The following RBFOX3 variants were observed in gnomAD, a reference collection of about 807,000 sequenced individuals.
RBFOX3 encodes RNA binding protein fox-1 homolog 3.
Under a neutral mutation model 48.7 loss-of-function variants are expected in RBFOX3, and 17 were observed. That is an observed-to-expected ratio of 0.35 (90% CI 0.24 to 0.52). RBFOX3 has a LOEUF of 0.52. RBFOX3 is among the 20% of genes least tolerant of loss of function. The probability of loss-of-function intolerance (pLI) is 0.94; values close to 1 mark genes in which losing one functional copy is unlikely to be tolerated. For missense variants in RBFOX3, 382 were observed against 497.5 expected, an observed-to-expected ratio of 0.77 and a Z score of 2.21; for synonymous variants, 212 against 209.5, an observed-to-expected ratio of 1.01 and a Z score of -0.10.
the RBFOX3 span, among the ~76,000 whole-genome samples, chr17:79,632,434 CTAAA>C: frequency 6.6e-6 from 1 of 152,054 alleles, no homozygotes; most frequent in African/African-American, 2.4e-5. Context: ...GTTGGTGCCT[CTAAA>C]GTGATGGAAA....
chr17:79,312,149 C>T (rs1173691097), intron 2 of RBFOX3, among the ~76,000 whole-genome samples: 5 of 152,020 alleles, frequency 3.3e-5, no homozygotes, highest in Admixed American at 1.3e-4. Context: ...GTGTGCACAA[C>T]GAGGTGGGGC....
intron 4 of RBFOX3, among the ~76,000 whole-genome samples, chr17:79,219,954 C>CGTCTGCAT (rs2059519396): frequency 6.7e-6 from 1 of 150,240 alleles, no homozygotes; most frequent in South Asian, 2.1e-4. Flanking sequence ...CCAGCCCCAC[C>CGTCTGCAT]GTCTGCATCC....
chr17:79,418,981 G>A lies in RBFOX3; in HGVS notation c.-175+63473C>T, dbSNP rs1161514701. Among the ~76,000 whole-genome samples, 1 of 152,114 alleles carries A rather than the reference G, an allele frequency of 6.6e-6. No individual in the cohort carries two copies. The highest frequency in any genetic ancestry group is 1.5e-5 in the Non-Finnish European group (1 of 68,030). On this transcript the variant is annotated intron_variant, in intron 2 of 14. Transcript: ENST00000693108. This position sits in a 1 kb window ranked among gnomAD's most constrained non-coding sequence, Gnocchi z 5.0. ...ATTTTACAAGCCCTCAGTTAAATGT[G>A]GATAATTACGTCTGCTGGTGTCAAG...
chr17:79,090,870 A>AC lies in RBFOX3; in HGVS notation c.*12dup. ...TTGCCCTTCATGGTCCGAGAAGGAA[A>AC]CGGTGGAAGGTTTCACTACAACAGA... is the stretch of plus-strand genomic sequence containing the variant. On this transcript the variant is annotated 3_prime_UTR_variant, in exon 15 of 15. Transcript: ENST00000693108. 3 of 1,521,478 alleles carry AC rather than the reference A, an allele frequency of 2.0e-6. No individual in the cohort carries two copies. The highest frequency in any genetic ancestry group is 2.6e-6 in the Non-Finnish European group (3 of 1,135,418). 94.2% of individuals were successfully genotyped at this position (1,521,478 alleles called of 1,614,324 possible).
Position 79,409,774 on chromosome 17 carries a change from G to C in RBFOX3, c.-175+72680C>G, listed in dbSNP as rs1195627741. ...CAGGTCCCTGGAGACCAGTGCCATG[G>C]GGTCAGGCTGGGGGATGGGCACTGG... On this transcript the variant is annotated intron_variant, in intron 2 of 14. Transcript: ENST00000693108. 6.6e-5 allele frequency among the ~76,000 whole-genome samples: 10 copies of C among 152,342 alleles called. No homozygotes were observed. The East Asian group carries it at 1.9e-3, about 29-fold the overall frequency.
intron 1 of RBFOX3, among the ~76,000 whole-genome samples, chr17:79,553,160 T>C (rs1383938100): frequency 2.0e-5 from 3 of 152,246 alleles, no homozygotes; most frequent in African/African-American, 7.2e-5. Flanking sequence ...TATCAATTTA[T>C]GTTTTGCTGA....
chr17:79,249,351 C>T lies in RBFOX3; in HGVS notation c.-73-13546G>A, dbSNP rs981124627. Among the ~76,000 whole-genome samples, 2 of 152,154 alleles carry T rather than the reference C, an allele frequency of 1.3e-5. No homozygotes were observed. Among genetic ancestry groups the T allele is most frequent in the Admixed American group, 6.5e-5 (1 of 15,282 alleles). Reference sequence around the variant, plus strand: ...TCTGTTCCCTGTGTCTCGGCCCGCTCGGCTCCAATGCTGCTGCAGTCACCG... The same window carrying T: ...TCTGTTCCCTGTGTCTCGGCCCGCTTGGCTCCAATGCTGCTGCAGTCACCG... On this transcript the variant is annotated intron_variant, in intron 3 of 14. Coordinates refer to ENST00000693108, the MANE Select transcript of RBFOX3 (RefSeq NM_001350451.2). The surrounding 1 kb of genome is among the most constrained non-coding windows in gnomAD (Gnocchi z 4.1).
At chr17:79,203,362 C>T (rs1285521832) in intron 4 of RBFOX3, among the ~76,000 whole-genome samples, 138 of 22,214 alleles carry the variant, frequency 6.2e-3, no homozygotes, top group Middle Eastern at 0.038. Flanking sequence ...GGGTGGAGGG[C>T]GAAGGGGCGT....
chr17:79,318,048 T>C (rs1376648026), intron 2 of RBFOX3, among the ~76,000 whole-genome samples: 1 of 152,200 alleles, frequency 6.6e-6, no homozygotes, highest in African/African-American at 2.4e-5. Flanking sequence ...CTCCAGCCCC[T>C]TGTTACTCAG....
rs527274670 is a variant in RBFOX3 at position 79,397,633 on chromosome 17, T to C, written c.-175+84821A>G. 6.3e-4 allele frequency among the ~76,000 whole-genome samples: 95 copies of C among 149,868 alleles called. No individual in the cohort carries two copies. The South Asian group carries it at 0.02, about 31-fold the overall frequency. On this transcript the variant is annotated intron_variant, in intron 2 of 14. Transcript: ENST00000693108. ...GGCCAGGTGAGCTGGCCATAGTGTCTGATTTAGAGCAGCCCAGCTCACACC... is the reference window on the plus strand; with the variant it reads ...GGCCAGGTGAGCTGGCCATAGTGTCCGATTTAGAGCAGCCCAGCTCACACC...
intron 4 of RBFOX3, among the ~76,000 whole-genome samples, chr17:79,203,958 G>T (rs1251997533): frequency 6.6e-6 from 1 of 152,128 alleles, no homozygotes; most frequent in African/African-American, 2.4e-5. Context: ...GAGAACGTTT[G>T]TGTGGATGAG....
intron 3 of RBFOX3, among the ~76,000 whole-genome samples, chr17:79,303,772 G>A (rs924173218): frequency 1.3e-5 from 2 of 152,080 alleles, no homozygotes; most frequent in Non-Finnish European, 2.9e-5. Context: ...CCACACACTA[G>A]GTGCACGTAC....
chr17:79,609,167 G>C (rs2093910909), intron 1 of RBFOX3, among the ~76,000 whole-genome samples: 1 of 152,228 alleles, frequency 6.6e-6, no homozygotes, highest in Non-Finnish European at 1.5e-5. Context: ...TTAATGAGCA[G>C]GTTCTGCCGC....
chr17:79,336,418 AAAAT>A (rs889958700), intron 2 of RBFOX3, among the ~76,000 whole-genome samples: 48 of 73,572 alleles, frequency 6.5e-4, no homozygotes, highest in African/African-American at 2.2e-3. Flanking sequence ...ATAAATAAAT[AAAAT>A]AAATTGAAAA....
At chr17:79,310,001 C>A (rs987788543) in intron 2 of RBFOX3, among the ~76,000 whole-genome samples, 4 of 152,178 alleles carry the variant, frequency 2.6e-5, no homozygotes, top group Non-Finnish European at 4.4e-5. Context: ...GTGCACAACG[C>A]CCTAAAACGG....
chr17:79,476,951 G>C (rs1206977837), intron 2 of RBFOX3, among the ~76,000 whole-genome samples: 2 of 152,080 alleles, frequency 1.3e-5, no homozygotes, highest in Admixed American at 6.5e-5. Context: ...AGAAGAAAAG[G>C]AGGAGGAGGA....
chr17:79,295,561 T>G (rs904667484), intron 3 of RBFOX3, among the ~76,000 whole-genome samples: 1 of 152,220 alleles, frequency 6.6e-6, no homozygotes, highest in Non-Finnish European at 1.5e-5. Flanking sequence ...ACTCAGGGTC[T>G]GAGTGCGGGC....
chr17:79,409,310 G>A lies in RBFOX3; in HGVS notation c.-175+73144C>T, dbSNP rs576114734. ...TTGCAAACGGTGCTCCTACAAACGT[G>A]TGCACACATGGATTTCTTTGAGCCC... On this transcript the variant is annotated intron_variant, in intron 2 of 14. Coordinates refer to ENST00000693108, the MANE Select transcript of RBFOX3 (RefSeq NM_001350451.2). 3.3e-5 allele frequency among the ~76,000 whole-genome samples: 5 copies of A among 152,302 alleles called. No individual in the cohort carries two copies. In the East Asian group the frequency reaches 9.6e-4, roughly 29 times the overall value.
intron 1 of RBFOX3, among the ~76,000 whole-genome samples, chr17:79,514,321 G>A (rs1270311991): frequency 6.6e-6 from 1 of 152,180 alleles, no homozygotes; most frequent in East Asian, 1.9e-4. Context: ...TCCGACACAC[G>A]GGTACACACT....
Sources: gnomAD v4.1 joint callset for allele counts (sites outside exome capture counted in the v4.1 genomes callset) on GRCh38, gnomAD v4.1.1 for gene constraint, Gnocchi (gnomAD v3.1) non-coding constraint, MANE v1.5 for transcripts, NCBI Gene and HGNC (gene_info 2026-07-23, HGNC 2026-07-21) for gene names.